Variants in HCFC1 observed in about 807,000 individuals in gnomAD.
HCFC1 encodes the protein host cell factor C1.
Under a neutral mutation model 105.5 loss-of-function variants are expected in HCFC1, and 7 were observed. The ratio of observed to expected loss-of-function variants is 0.07; its 90% confidence interval spans 0.04 to 0.12. HCFC1 has a LOEUF of 0.12. HCFC1 is among the 10% of genes least tolerant of loss of function. The pLI is 1.00. For missense variants in HCFC1, 1,065 were observed against 1,823.6 expected, an observed-to-expected ratio of 0.58 and a Z score of 7.58; for synonymous variants, 918 against 828.1, an observed-to-expected ratio of 1.11 and a Z score of -1.86.
At chrX:153,958,475 A>T in intron 10 of HCFC1, 94 bp downstream of exon 10, 1 of 872,312 alleles carries the variant, frequency 1.1e-6, no homozygotes, top group Non-Finnish European at 1.6e-6. Flanking sequence ...GAGACAGCTT[A>T]TTCTGCAGCC....
intron 1 of HCFC1, among the ~76,000 whole-genome samples, chrX:153,966,543 T>C (rs782419844): frequency 3.8e-4 from 43 of 112,667 alleles, no homozygotes; most frequent in Non-Finnish European, 7.3e-4. Flanking sequence ...CCAACAGCCT[T>C]GCGCACTGGA....
chrX:153,955,188 C>T lies in HCFC1; in HGVS notation c.3211G>A (p.Val1071Met), dbSNP rs190844812. 2.6e-4 allele frequency: 311 copies of T among 1,209,938 alleles called. No individual in the cohort carries two copies. Among genetic ancestry groups the T allele is most frequent in the Middle Eastern group, 6.9e-4 (3 of 4,351 alleles). The change falls in exon 17 of 26, where the codon GTG becomes ATG. Residue 1071 changes from valine (V) to methionine (M), a missense_variant. Around this residue, in one of 17 missense-constraint regions of HCFC1, gnomAD observed 546 missense variants for 599.9 expected, o/e 0.91. Coordinates refer to ENST00000310441, the MANE Select transcript of HCFC1 (RefSeq NM_005334.3). ...GGCGGGTTCGAACAGACTCGGACCACGCTACCATTCTGCTGGCCCACAGTC... is the reference window on the plus strand; with the variant it reads ...GGCGGGTTCGAACAGACTCGGACCATGCTACCATTCTGCTGGCCCACAGTC... Reference protein sequence around the residue: ...TSTVGQQNGSVVRVCSNPPCE... With the variant: ...TSTVGQQNGSMVRVCSNPPCE...
At chrX:153,969,540 G>C (rs1569547059) in intron 1 of HCFC1, among the ~76,000 whole-genome samples, 1 of 112,924 alleles carries the variant, frequency 8.9e-6, no homozygotes, top group African/African-American at 3.2e-5. Context: ...TGGGCCAACG[G>C]GCAGTCAGTA....
chrX:153,962,271 C>T lies in HCFC1; in HGVS notation c.748G>A (p.Val250Met), dbSNP rs782385961. Reference sequence around the variant, plus strand: ...TGGAGACTGCGAGGAAGAGGCGCCACCCCGCTGAGACTGGGCTTATTCCAC... The same window carrying T: ...TGGAGACTGCGAGGAAGAGGCGCCATCCCGCTGAGACTGGGCTTATTCCAC... ...LTWNKPSLSGVAPLPRSLHSA... is the reference protein window; with the variant it reads ...LTWNKPSLSGMAPLPRSLHSA... Residue 250 changes from valine to methionine, a missense_variant, in exon 5 of 26, where the codon GTG becomes ATG. Physicochemically the swap from Val to Met is conservative, Grantham distance 21. Transcript: ENST00000310441. 47 of 1,208,888 alleles carry T rather than the reference C, an allele frequency of 3.9e-5. No homozygotes were observed. The highest frequency in any genetic ancestry group is 4.9e-5 in the Non-Finnish European group (44 of 894,322).
intron 18 of HCFC1, among the ~76,000 whole-genome samples, chrX:153,953,290 G>C (rs1295372277): frequency 1.8e-5 from 2 of 111,967 alleles, no homozygotes; most frequent in African/African-American, 3.3e-5. Flanking sequence ...GAGACCCCCG[G>C]TCAGGTTTAA....
Position 153,952,097 on chromosome X carries a change from C to A in HCFC1, c.5004G>T (p.Gly1668=). Residue 1668 remains glycine (G), a synonymous_variant, in exon 20 of 26, where the codon GGG becomes GGT. Coordinates refer to ENST00000310441, the MANE Select transcript of HCFC1 (RefSeq NM_005334.3). ...CCTCCTGACCCTCGGCCGACAGGTG[C>A]CCCAGCTCCGCCTGAGTCACGGTTG... ...AAATVTQAEL[G]HLSAEGQEGQ... 1.7e-6 allele frequency: 2 copies of A among 1,154,352 alleles called. No individual in the cohort carries two copies. The highest frequency in any genetic ancestry group is 2.3e-6 in the Non-Finnish European group (2 of 868,536).
rs782719384 is a variant in HCFC1, at chrX:153,952,818, G to A, written c.4638C>T (p.Ala1546=). ...SASQTPELPA[A]VDLSSTGEPS... ...GCTCCCCTGTGCTGCTCAGATCCAC[G>A]GCGGCCGGGAGCTCAGGGGTCTGGG... The change falls in exon 19 of 26, where the codon GCC becomes GCT. Residue 1546 remains alanine, a synonymous_variant. Coordinates refer to ENST00000310441, the MANE Select transcript of HCFC1 (RefSeq NM_005334.3). 16 of 1,196,969 alleles carry A rather than the reference G, an allele frequency of 1.3e-5. No individual in the cohort carries two copies. Among genetic ancestry groups the A allele is most frequent in the Non-Finnish European group, 1.6e-5 (14 of 888,484 alleles).
chrX:153,955,761 G>C (rs1473979370), intron 16 of HCFC1, among the ~76,000 whole-genome samples: 2 of 112,817 alleles, frequency 1.8e-5, no homozygotes, highest in African/African-American at 6.4e-5. Flanking sequence ...GGATGAGGAA[G>C]AGGCTGTGAG....
Position 153,954,050 on chromosome X carries a change from G to A in HCFC1, c.4333+16C>T. The stretch of plus-strand genomic sequence containing the variant: ...GCTGGGAGACCATGAAAGCCAGGCT[G>A]GCCACCTTCACTTACCTTGGTTTGA... On this transcript the variant is annotated intron_variant, in intron 17 of 25. Transcript: ENST00000310441. 8.5e-7 allele frequency: 1 copy of A among 1,180,572 alleles called. No individual in the cohort carries two copies. The highest frequency in any genetic ancestry group is 1.9e-5 in the South Asian group (1 of 53,172).
At position 153,970,226 on chromosome X, in the gene HCFC1, C is replaced by T. The variant is rs377385537; in HGVS notation, c.193+422G>A. 9.3e-4 allele frequency: 107 copies of T among 114,624 alleles called. No homozygotes were observed. The East Asian group carries it at 0.03, about 32-fold the overall frequency. The allele number at this position is 114,624 out of a possible 1,213,427, so 9.4% of individuals were successfully genotyped here. On this transcript the variant is annotated intron_variant, in intron 1 of 25. Coordinates refer to ENST00000310441, the MANE Select transcript of HCFC1 (RefSeq NM_005334.3). ...CACATCCGCCCGCCCCAGCCCCAGC[C>T]CCAGCCCGCTGGGTAACGGTGTGGG...
chrX:153,953,604 T>C lies in HCFC1; in HGVS notation c.4497+3A>G. On this transcript the variant is annotated splice_donor_region_variant and intron_variant, in intron 18 of 25. Transcript: ENST00000310441. ...GGAAGAACACGGCCCCCTGGGCTCT[T>C]ACCGGCACAGAGGGGCCCGGGACCG... is the stretch of plus-strand genomic sequence containing the variant. 3.3e-6 allele frequency: 4 copies of C among 1,206,053 alleles called. No individual in the cohort carries two copies. The South Asian group carries it at 5.3e-5, about 16-fold the overall frequency.
Position 153,960,225 on chromosome X carries a change from C to A in HCFC1, c.1084+10G>T. 1 of 1,187,047 alleles carries A rather than the reference C, an allele frequency of 8.4e-7. No homozygotes were observed. Among genetic ancestry groups the A allele is most frequent in the South Asian group, 1.9e-5 (1 of 53,761 alleles). ...TATGGGAGGAGGGGAGTCGGCTGGG[C>A]CGGGCCTACCTGTCTCTAGGTACCA... On this transcript the variant is annotated intron_variant, in intron 7 of 25. Coordinates refer to ENST00000310441, the MANE Select transcript of HCFC1 (RefSeq NM_005334.3).
chrX:153,950,966 C>T lies in HCFC1; in HGVS notation c.5550G>A (p.Gln1850=), dbSNP rs1557112279. 5.0e-6 allele frequency: 6 copies of T among 1,211,155 alleles called. No individual in the cohort carries two copies. In the African/African-American group the frequency reaches 6.9e-5, roughly 14 times the overall value. The change falls in exon 23 of 26, where the codon CAG becomes CAA. Residue 1850 remains glutamine (Q), a synonymous_variant. Transcript: ENST00000310441. ...CTGGCTGCAGCTCCTGCTTCTTCAG[C>T]TGGTTATAGTCAGGGACGGTGCCCA... ...DDLGTVPDYN[Q]LKKQELQPGT...
At chrX:153,955,880 T>G (rs1163011382) in intron 16 of HCFC1, among the ~76,000 whole-genome samples, 1 of 113,063 alleles carries the variant, frequency 8.8e-6, no homozygotes, top group African/African-American at 3.2e-5. Context: ...ACCGTTTTCC[T>G]TAATATGTAT....
At chrX:153,967,454 G>A (rs2065482740) in intron 1 of HCFC1, among the ~76,000 whole-genome samples, 1 of 112,234 alleles carries the variant, frequency 8.9e-6, no homozygotes, top group African/African-American at 3.2e-5. Context: ...TGGTGCCCAT[G>A]CAGTGAGGTG....
intron 18 of HCFC1, 70 bp downstream of exon 18, chrX:153,953,537 C>G (rs893814090): frequency 9.5e-7 from 1 of 1,056,471 alleles, no homozygotes; most frequent in Admixed American, 2.3e-5. Flanking sequence ...CGACATCTGG[C>G]GTCTGAGTGT....
At chrX:153,965,894 C>T (rs1363692442) in intron 1 of HCFC1, among the ~76,000 whole-genome samples, 2 of 112,277 alleles carry the variant, frequency 1.8e-5, no homozygotes, top group African/African-American at 6.5e-5. Flanking sequence ...AGGCGGCTGA[C>T]CATGGTTGGG....
rs782176150 is a variant in HCFC1, at chrX:153,952,482, C to A, written c.4942+32G>T. 1.4e-5 allele frequency: 16 copies of A among 1,124,165 alleles called. No individual in the cohort carries two copies. The South Asian group carries it at 3.0e-4, about 21-fold the overall frequency. 92.6% of individuals were successfully genotyped at this position (1,124,165 alleles called of 1,213,427 possible). A position where few individuals can be genotyped will look rare whatever the true frequency, so the allele number is the denominator to read the frequency against. ...CGCGGCCTATTGCTCCCCCGAGCGG[C>A]CCGGCTTCCCCAGGGTTGCACCGGC... On this transcript the variant is annotated intron_variant, in intron 19 of 25. Coordinates refer to ENST00000310441, the MANE Select transcript of HCFC1 (RefSeq NM_005334.3).
chrX:153,953,804 G>A lies in HCFC1; in HGVS notation c.4334-34C>T, dbSNP rs781869718. 4.3e-6 allele frequency: 5 copies of A among 1,169,829 alleles called. No homozygotes were observed. In the South Asian group the frequency reaches 5.6e-5, roughly 13 times the overall value. ...GCGACAGGCAGGCGGCTGCTCAGCA[G>A]GAGCCCCCCCGGCCTGTACTTGGCT... is the stretch of plus-strand genomic sequence containing the variant. On this transcript the variant is annotated intron_variant, in intron 17 of 25. Coordinates refer to ENST00000310441, the MANE Select transcript of HCFC1 (RefSeq NM_005334.3).
Sources: allele counts gnomAD v4.1 joint callset (sites outside exome capture counted in the v4.1 genomes callset), GRCh38; gene constraint gnomAD v4.1.1; regional missense constraint gnomAD v4.1.1; transcripts MANE v1.5; gene names NCBI Gene and HGNC (gene_info 2026-07-23, HGNC 2026-07-21).